MGAT4C: variants seen among roughly 807,000 people sequenced by gnomAD.
MGAT4C encodes alpha-1,3-mannosyl-glycoprotein 4-beta-N-acetylglucosaminyltransferase C.
In MGAT4C, 19 loss-of-function variants were observed where a neutral mutation model predicts 40.1. The observed-to-expected ratio is 0.47, with a 90% CI of 0.33 to 0.70. The LOEUF is 0.70. MGAT4C is among the 30% of genes least tolerant of loss of function. The probability of loss-of-function intolerance (pLI) is 0.02; values close to 1 mark genes in which losing one functional copy is unlikely to be tolerated. For synonymous variants in MGAT4C, 181 were observed against 187.1 expected (o/e 0.97, Z 0.27); for missense variants, 491 against 563.2 (o/e 0.87, Z 1.30).
chr12:86,768,811 C>T (rs1319433964), intron 1 of MGAT4C, among the ~76,000 whole-genome samples: 1 of 151,914 alleles, frequency 6.6e-6, no homozygotes, highest in Admixed American at 6.6e-5. Flanking sequence ...AACTGGCTAG[C>T]CATATGTAGA....
intron 2 of MGAT4C, among the ~76,000 whole-genome samples, chr12:86,585,079 C>A (rs977337734): frequency 5.3e-5 from 8 of 151,206 alleles, no homozygotes; most frequent in African/African-American, 1.9e-4. Flanking sequence ...ATTTGAATTG[C>A]TTATCACTTC....
intron 3 of MGAT4C, among the ~76,000 whole-genome samples, chr12:86,345,124 T>TAC (rs1410890033): frequency 3.3e-5 from 5 of 152,112 alleles, no homozygotes; most frequent in Non-Finnish European, 7.4e-5. Flanking sequence ...TAATGTAATA[T>TAC]ACTTCAGTTT....
chr12:86,191,593 C>A (rs553777402), intron 1 of MGAT4C, among the ~76,000 whole-genome samples: 3 of 147,594 alleles, frequency 2.0e-5, no homozygotes, highest in Middle Eastern at 3.6e-3. Context: ...CATACATGAT[C>A]TGAAAGTTTC....
intron 1 of MGAT4C, among the ~76,000 whole-genome samples, chr12:86,058,170 A>G (rs1013185365): frequency 2.6e-5 from 4 of 152,128 alleles, no homozygotes; most frequent in Non-Finnish European, 5.9e-5. Context: ...GAAAACTGTA[A>G]TATTATTTTA....
intron 2 of MGAT4C, among the ~76,000 whole-genome samples, chr12:86,620,535 A>T (rs1367198131): frequency 2.0e-5 from 3 of 152,190 alleles, no homozygotes; most frequent in Non-Finnish European, 4.4e-5. Context: ...GATATGGAAA[A>T]TGGAATAGGA....
intron 1 of MGAT4C, among the ~76,000 whole-genome samples, chr12:86,781,036 GTA>G (rs1951831718): frequency 6.6e-6 from 1 of 151,276 alleles, no homozygotes; most frequent in African/African-American, 2.4e-5. Flanking sequence ...GTGTGTGTGT[GTA>G]TGTATGTCAC....
At chr12:86,098,530 T>A (rs1305312190) in intron 1 of MGAT4C, among the ~76,000 whole-genome samples, 2 of 151,656 alleles carry the variant, frequency 1.3e-5, no homozygotes, top group Non-Finnish European at 3.0e-5. Context: ...TTCCACAGTG[T>A]GTGAATGGCT....
chr12:86,382,697 C>T (rs1045686329), intron 3 of MGAT4C, among the ~76,000 whole-genome samples: 1 of 152,160 alleles, frequency 6.6e-6, no homozygotes, highest in African/African-American at 2.4e-5. Flanking sequence ...AGTCTAGGGA[C>T]TTGGTGCCCT....
At chr12:86,302,625 C>A in intron 4 of MGAT4C, among the ~76,000 whole-genome samples, 1 of 150,526 alleles carries the variant, frequency 6.6e-6, no homozygotes, top group East Asian at 1.9e-4. Context: ...GACAGGGTTT[C>A]ACCATGTTGC....
At chr12:86,370,268 T>G (rs1955690021) in intron 3 of MGAT4C, among the ~76,000 whole-genome samples, 1 of 152,032 alleles carries the variant, frequency 6.6e-6, no homozygotes, top group Non-Finnish European at 1.5e-5. Flanking sequence ...AAATAGAGTA[T>G]TTTATTCAGA....
intron 3 of MGAT4C, among the ~76,000 whole-genome samples, chr12:86,421,974 T>C (rs1956836958): frequency 6.6e-6 from 1 of 152,196 alleles, no homozygotes; most frequent in Non-Finnish European, 1.5e-5. Context: ...CTTAAATGTA[T>C]GACAAAACCA....
At chr12:86,451,261 C>T (rs997863153) in intron 2 of MGAT4C, among the ~76,000 whole-genome samples, 3 of 152,066 alleles carry the variant, frequency 2.0e-5, no homozygotes, top group South Asian at 2.1e-4. Flanking sequence ...CCTGCTTTTG[C>T]CATGTAATAT....
intron 1 of MGAT4C, among the ~76,000 whole-genome samples, chr12:86,097,821 A>G (rs1412456821): frequency 6.6e-6 from 1 of 151,670 alleles, no homozygotes; most frequent in Non-Finnish European, 1.5e-5. Context: ...CTATTAAGTA[A>G]GAAATATTCT....
intron 2 of MGAT4C, among the ~76,000 whole-genome samples, chr12:86,642,611 C>G (rs1005669060): frequency 6.6e-6 from 1 of 151,736 alleles, no homozygotes; most frequent in Non-Finnish European, 1.5e-5. Flanking sequence ...AAAGGAGTCA[C>G]GAGACTAGGT....
At chr12:86,613,291 A>G (rs1962344916) in intron 2 of MGAT4C, among the ~76,000 whole-genome samples, 1 of 152,198 alleles carries the variant, frequency 6.6e-6, no homozygotes, top group African/African-American at 2.4e-5. Flanking sequence ...AATTTTCTCT[A>G]TATAGGTTCT....
At chr12:86,481,349 G>A (rs1957933871) in intron 2 of MGAT4C, among the ~76,000 whole-genome samples, 1 of 152,042 alleles carries the variant, frequency 6.6e-6, no homozygotes, top group Admixed American at 6.6e-5. Flanking sequence ...AACTTAGTGT[G>A]AGGGAAATGA....
intron 3 of MGAT4C, among the ~76,000 whole-genome samples, chr12:86,408,933 C>A (rs1418572283): frequency 3.9e-5 from 6 of 152,030 alleles, no homozygotes; most frequent in Non-Finnish European, 8.8e-5. Context: ...CACTCAATGA[C>A]TTTTTGTGAA....
At chr12:86,759,350 A>T (rs1423582801) in intron 1 of MGAT4C, among the ~76,000 whole-genome samples, 1 of 152,094 alleles carries the variant, frequency 6.6e-6, no homozygotes, top group Non-Finnish European at 1.5e-5. Flanking sequence ...CAAAGACAGG[A>T]GTGCAGCCAT....
chr12:86,552,066 TAAC>T (rs1959394875), intron 2 of MGAT4C, among the ~76,000 whole-genome samples: 1 of 89,326 alleles, frequency 1.1e-5, no homozygotes, highest in Non-Finnish European at 2.5e-5. Flanking sequence ...ACTTCTAAAA[TAAC>T]AAAAAATTAT....
Sources: allele counts gnomAD v4.1 joint callset (sites outside exome capture counted in the v4.1 genomes callset), GRCh38; gene constraint gnomAD v4.1.1; transcripts MANE v1.5; gene names NCBI Gene and HGNC (gene_info 2026-07-23, HGNC 2026-07-21).